ASTN2: variants seen among roughly 807,000 people sequenced by gnomAD.
ASTN2 encodes the protein astrotactin 2.
Under a neutral mutation model 139.8 loss-of-function variants are expected in ASTN2, and 54 were observed. That is an observed-to-expected ratio of 0.39 (90% CI 0.31 to 0.48). The LOEUF is 0.48. ASTN2 is among the 20% of genes least tolerant of loss of function. The pLI is 0.95. For synonymous variants in ASTN2, 756 were observed against 719.5 expected, an observed-to-expected ratio of 1.05 and a Z score of -0.81; for missense variants, 1,565 against 1,725.1, an observed-to-expected ratio of 0.91 and a Z score of 1.64.
At chr9:117,016,965 G>A (rs1440201549) in intron 6 of ASTN2, among the ~76,000 whole-genome samples, 1 of 151,592 alleles carries the variant, frequency 6.6e-6, no homozygotes, top group African/African-American at 2.4e-5. Flanking sequence ...TGTGATCAAA[G>A]TCTGGCTGAA....
intron 10 of ASTN2, among the ~76,000 whole-genome samples, chr9:116,958,854 T>A (rs1021601664): frequency 2.6e-5 from 4 of 152,036 alleles, no homozygotes; most frequent in African/African-American, 9.7e-5. Flanking sequence ...TTCAGTGAGT[T>A]TGGACTTATT....
At chr9:116,893,165 A>T (rs1274207869) in intron 10 of ASTN2, among the ~76,000 whole-genome samples, 7 of 79,982 alleles carry the variant, frequency 8.8e-5, no homozygotes, top group Admixed American at 2.5e-4. Context: ...TGTATCACAC[A>T]CACACACACA....
At chr9:116,575,127 T>C (rs16933688) in intron 19 of ASTN2, among the ~76,000 whole-genome samples, 24,478 of 151,942 alleles carry the variant, frequency 0.16, 2,154 homozygotes, top group African/African-American at 0.22. Flanking sequence ...TTAATTCCTT[T>C]TGCTTGGTGA....
At chr9:116,704,647 C>G (rs1239932003) in intron 16 of ASTN2, among the ~76,000 whole-genome samples, 1 of 152,140 alleles carries the variant, frequency 6.6e-6, no homozygotes, top group African/African-American at 2.4e-5. Context: ...GATTTTCAGA[C>G]CTGTATTGGT....
intron 16 of ASTN2, among the ~76,000 whole-genome samples, chr9:116,679,436 G>A (rs1475934677): frequency 1.3e-5 from 2 of 152,004 alleles, no homozygotes; most frequent in African/African-American, 2.4e-5. Flanking sequence ...TGTTACTGGC[G>A]TATGTTCCGA....
At chr9:116,876,196 T>A (rs1182968466) in intron 10 of ASTN2, among the ~76,000 whole-genome samples, 1 of 152,184 alleles carries the variant, frequency 6.6e-6, no homozygotes, top group Non-Finnish European at 1.5e-5. Context: ...CCCTCATGAA[T>A]GACTTTGAGG....
At chr9:116,766,826 A>T (rs1332270590) in intron 13 of ASTN2, among the ~76,000 whole-genome samples, 1 of 151,714 alleles carries the variant, frequency 6.6e-6, no homozygotes, top group Non-Finnish European at 1.5e-5. Flanking sequence ...GCTTGAACAC[A>T]CAGTCACCTC....
chr9:117,032,183 A>G (rs1838265934), intron 6 of ASTN2, among the ~76,000 whole-genome samples: 1 of 152,160 alleles, frequency 6.6e-6, no homozygotes, highest in African/African-American at 2.4e-5. Flanking sequence ...GGATTCATTG[A>G]AGAAGGTTTT....
chr9:116,863,563 C>T lies in ASTN2; in HGVS notation c.2040+20G>A. 1 of 1,612,078 alleles carries T rather than the reference C, an allele frequency of 6.2e-7. No homozygotes were observed. Among genetic ancestry groups the T allele is most frequent in the Non-Finnish European group, 8.5e-7 (1 of 1,178,688 alleles). ...TAGCCCCTGGGCCACTGCCATGTTCCCGGGCCAATGGGCACTTACCACACA... is the reference window on the plus strand; with the variant it reads ...TAGCCCCTGGGCCACTGCCATGTTCTCGGGCCAATGGGCACTTACCACACA... On this transcript the variant is annotated intron_variant, in intron 11 of 22. Transcript: ENST00000313400.
At chr9:117,118,664 A>G (rs1829464688) in intron 4 of ASTN2, among the ~76,000 whole-genome samples, 1 of 152,154 alleles carries the variant, frequency 6.6e-6, no homozygotes, top group East Asian at 1.9e-4. Context: ...CAATACTCCA[A>G]AATCCACAGC....
At chr9:116,753,943 C>T (rs892702865) in intron 13 of ASTN2, among the ~76,000 whole-genome samples, 5 of 152,074 alleles carry the variant, frequency 3.3e-5, no homozygotes, top group African/African-American at 7.2e-5. Flanking sequence ...TAACCCTCCC[C>T]GAGCCCCACA....
chr9:116,916,298 G>T (rs1322653190), intron 10 of ASTN2, among the ~76,000 whole-genome samples: 1 of 152,194 alleles, frequency 6.6e-6, no homozygotes, highest in Non-Finnish European at 1.5e-5. Context: ...TGGTAGGAAG[G>T]CTGGGAGAGA....
intron 5 of ASTN2, among the ~76,000 whole-genome samples, chr9:117,058,862 C>T (rs918401262): frequency 1.3e-5 from 2 of 152,136 alleles, no homozygotes; most frequent in African/African-American, 4.8e-5. Flanking sequence ...AAGCCCTGTC[C>T]TGGTGGGAGA....
chr9:116,756,955 C>G (rs889300264), intron 13 of ASTN2, among the ~76,000 whole-genome samples: 5 of 152,320 alleles, frequency 3.3e-5, no homozygotes, highest in African/African-American at 1.2e-4. Context: ...TTATGCCACA[C>G]TGTGTCTCAC....
chr9:117,158,042 C>T (rs982881659), intron 3 of ASTN2, among the ~76,000 whole-genome samples: 11 of 151,946 alleles, frequency 7.2e-5, no homozygotes, highest in African/African-American at 2.7e-4. Flanking sequence ...AGGCATTTTA[C>T]CTGAATTTCC....
chr9:117,272,664 C>T (rs1381617143), intron 2 of ASTN2, among the ~76,000 whole-genome samples: 1 of 152,168 alleles, frequency 6.6e-6, no homozygotes, highest in Non-Finnish European at 1.5e-5. Flanking sequence ...TACCCTAAAT[C>T]ATCTCTCTCA....
At chr9:117,104,849 A>G (rs1829065088) in intron 4 of ASTN2, among the ~76,000 whole-genome samples, 1 of 152,126 alleles carries the variant, frequency 6.6e-6, no homozygotes, top group African/African-American at 2.4e-5. Flanking sequence ...GTTTAAACCC[A>G]TTACTCACTT....
In ASTN2 at chr9:117,245,646, G is replaced by A. The variant is rs370517448; in HGVS notation, c.631-30904C>T. Reference sequence around the variant, plus strand: ...TTTCAGGCACACCCTGAATGCACTGGGTGATTCAATCATGTCTCTTTCCCT... The same window carrying A: ...TTTCAGGCACACCCTGAATGCACTGAGTGATTCAATCATGTCTCTTTCCCT... On this transcript the variant is annotated intron_variant, in intron 2 of 22. Transcript: ENST00000313400. Among the ~76,000 whole-genome samples, 88 of 152,126 alleles carry A rather than the reference G, an allele frequency of 5.8e-4. No individual in the cohort carries two copies. The South Asian group carries it at 0.016, about 27-fold the overall frequency.
rs1316457639 is a variant in ASTN2 at position 116,565,427 on chromosome 9, A to ATATTTATT, written c.3355+52889_3355+52896dup. Among the ~76,000 whole-genome samples the ATATTTATT allele has an allele frequency of 6.3e-3, 461 of 73,680 alleles. 14 individuals carry two copies. Among genetic ancestry groups the ATATTTATT allele is most frequent in the Middle Eastern group, 8.1e-3 (1 of 124 alleles). The allele number at this position is 73,680 out of a possible 152,430, so 48.3% of individuals were successfully genotyped here. A position where few individuals can be genotyped will look rare whatever the true frequency, so the allele number is the denominator to read the frequency against. On this transcript the variant is annotated intron_variant, in intron 19 of 22. Transcript: ENST00000313400. Reference sequence around the variant, plus strand: ...TATATATATATATATATATATATATATATTTATTTATTTATTTTGAGACAG... The same window carrying ATATTTATT: ...TATATATATATATATATATATATATATATTTATTTATTTATTTATTTATTTTGAGACAG...
Sources: allele counts gnomAD v4.1 joint callset (sites outside exome capture counted in the v4.1 genomes callset), GRCh38; gene constraint gnomAD v4.1.1; transcripts MANE v1.5; gene names NCBI Gene and HGNC (gene_info 2026-07-23, HGNC 2026-07-21).